The following CPNE5 variants were observed in gnomAD, a reference collection of about 807,000 sequenced individuals.
CPNE5 encodes copine 5.
CPNE5 carries 42 observed loss-of-function variants against 81.1 expected under a neutral mutation model. That is an observed-to-expected ratio of 0.52 (90% confidence interval 0.40 to 0.67). CPNE5 has a LOEUF of 0.67. CPNE5 is among the 30% of genes least tolerant of loss of function. The probability of loss-of-function intolerance (pLI) is 0.00; values close to 1 mark genes in which losing one functional copy is unlikely to be tolerated. For synonymous variants in CPNE5, 313 were observed against 321.5 expected, an observed-to-expected ratio of 0.97 and a Z score of 0.28; for missense variants, 612 against 815.5, an observed-to-expected ratio of 0.75 and a Z score of 3.04.
In CPNE5 at chr6:36,741,045, C is replaced by G. The variant is rs1289986220; in HGVS notation, c.*1223G>C. ...CTGGGTGGGCCCGGGAGGGAGATCCCCTTCTTCCCCACCTTTCCCACAGCA... is the reference window on the plus strand; with the variant it reads ...CTGGGTGGGCCCGGGAGGGAGATCCGCTTCTTCCCCACCTTTCCCACAGCA... On this transcript the variant is annotated 3_prime_UTR_variant, in exon 21 of 21. Transcript: ENST00000244751. 6.6e-6 allele frequency: 1 copy of G among 152,254 alleles called. No individual in the cohort carries two copies. The highest frequency in any genetic ancestry group is 1.5e-5 in the Non-Finnish European group (1 of 68,082). The allele number at this position is 152,254 out of a possible 1,614,324, so 9.4% of individuals were successfully genotyped here. A position where few individuals can be genotyped will look rare whatever the true frequency, so the allele number is the denominator to read the frequency against.
At position 36,839,116 on chromosome 6, in the gene CPNE5, C is replaced by T. The variant is rs1773803159; in HGVS notation, c.95+167G>A. Among the ~76,000 whole-genome samples the T allele has an allele frequency of 1.3e-5, 2 of 152,194 alleles. No individual in the cohort carries two copies. The highest frequency in any genetic ancestry group is 1.3e-4 in the Admixed American group (2 of 15,284). On this transcript the variant is annotated intron_variant, in intron 1 of 20. Coordinates refer to ENST00000244751, the MANE Select transcript of CPNE5 (RefSeq NM_020939.2). This position sits in a 1 kb window ranked among gnomAD's most constrained non-coding sequence, Gnocchi z 7.3. ...GGCTTCCTATTCTGCCGTCGCCACCCGCAGCTGGACAGGACAGGGGCTCTT... is the reference window on the plus strand; with the variant it reads ...GGCTTCCTATTCTGCCGTCGCCACCTGCAGCTGGACAGGACAGGGGCTCTT...
At chr6:36,807,386 T>C (rs1387581929) in intron 3 of CPNE5, among the ~76,000 whole-genome samples, 1 of 152,218 alleles carries the variant, frequency 6.6e-6, no homozygotes, top group Admixed American at 6.5e-5. Flanking sequence ...CTACATGTTA[T>C]GGGATTGTTG....
intron 4 of CPNE5, among the ~76,000 whole-genome samples, 179 bp from the exon 5 acceptor site, chr6:36,798,673 C>T (rs1233503716): frequency 1.3e-5 from 2 of 152,172 alleles, no homozygotes; most frequent in Non-Finnish European, 2.9e-5. Flanking sequence ...TGGACATGTT[C>T]TGTCCTTGAG....
At chr6:36,822,994 C>A in intron 2 of CPNE5, 64 bp downstream of exon 2, 1 of 1,384,728 alleles carries the variant, frequency 7.2e-7, no homozygotes, top group South Asian at 1.5e-5. Context: ...TCAAGCATTG[C>A]CGCTGTAATT....
chr6:36,784,236 A>G (rs1422788324), intron 8 of CPNE5, among the ~76,000 whole-genome samples: 1 of 152,180 alleles, frequency 6.6e-6, no homozygotes, highest in Non-Finnish European at 1.5e-5. Context: ...AGACCCAGAA[A>G]CATTTGCCAA....
chr6:36,808,728 C>G (rs1043027218), intron 3 of CPNE5, among the ~76,000 whole-genome samples: 4 of 152,166 alleles, frequency 2.6e-5, no homozygotes, highest in Admixed American at 1.3e-4. Context: ...TGATAGTAAC[C>G]CTCACAGAGC....
At chr6:36,772,147 G>A (rs1767093526) in intron 10 of CPNE5, among the ~76,000 whole-genome samples, 2 of 152,146 alleles carry the variant, frequency 1.3e-5, no homozygotes, top group East Asian at 1.9e-4. Flanking sequence ...AGGGTTGTGA[G>A]GGGTCAGTTG....
In CPNE5 at chr6:36,770,400, A is replaced by G. The variant is rs541942381; in HGVS notation, c.737+4561T>C. Among the ~76,000 whole-genome samples, 11 of 152,338 alleles carry G rather than the reference A, an allele frequency of 7.2e-5. No homozygotes were observed. The South Asian group carries it at 2.1e-3, about 29-fold the overall frequency. ...AAATTTAAATTCACAAAATAAGATA[A>G]CGCATTTAAACCAATTAGAATACAA... On this transcript the variant is annotated intron_variant, in intron 10 of 20. Transcript: ENST00000244751.
rs150950511 is a variant in CPNE5 at position 36,829,769 on chromosome 6, C to T, written c.96-6671G>A. Among the ~76,000 whole-genome samples the T allele has an allele frequency of 5.3e-3, 739 of 139,518 alleles. 9 individuals carry two copies. Among genetic ancestry groups the T allele is most frequent in the African/African-American group, 0.019 (704 of 37,454 alleles). The allele number at this position is 139,518 out of a possible 152,430, so 91.5% of individuals were successfully genotyped here. A position where few individuals can be genotyped will look rare whatever the true frequency, so the allele number is the denominator to read the frequency against. The stretch of plus-strand genomic sequence containing the variant: ...CAGAGGTTGCAGTGAGCCGAGATCA[C>T]GTCACTGCATTCCAGCCTGGGTGAC... On this transcript the variant is annotated intron_variant, in intron 1 of 20. Transcript: ENST00000244751.
At chr6:36,801,873 G>A (rs1252432287) in intron 3 of CPNE5, among the ~76,000 whole-genome samples, 1 of 152,148 alleles carries the variant, frequency 6.6e-6, no homozygotes, top group African/African-American at 2.4e-5. Context: ...CTAGAGACCT[G>A]TTTCACAACA....
chr6:36,830,392 G>A (rs990417894), intron 1 of CPNE5, among the ~76,000 whole-genome samples: 2 of 152,122 alleles, frequency 1.3e-5, no homozygotes, highest in East Asian at 1.9e-4. Context: ...GACCTAAAAG[G>A]CAGAAGTAAT....
chr6:36,813,171 T>G (rs1771249237), intron 3 of CPNE5, among the ~76,000 whole-genome samples: 1 of 152,216 alleles, frequency 6.6e-6, no homozygotes, highest in Admixed American at 6.5e-5. Flanking sequence ...TGCAGTCCAC[T>G]CTGCACACAG....
chr6:36,813,954 C>G (rs978702642), intron 3 of CPNE5, among the ~76,000 whole-genome samples: 3 of 152,178 alleles, frequency 2.0e-5, no homozygotes, highest in Admixed American at 6.5e-5. Flanking sequence ...TTAGTCTACC[C>G]ACAAAGGTCT....
intron 3 of CPNE5, among the ~76,000 whole-genome samples, chr6:36,814,694 AG>A (rs1177532438): frequency 6.6e-6 from 1 of 152,188 alleles, no homozygotes; most frequent in Non-Finnish European, 1.5e-5. Flanking sequence ...GGGCTGCAGA[AG>A]GGGATGGCGG....
At position 36,785,284 on chromosome 6, in the gene CPNE5, A is replaced by G. The variant is rs530570763; in HGVS notation, c.529-6327T>C. Among the ~76,000 whole-genome samples, 21 of 152,178 alleles carry G rather than the reference A, an allele frequency of 1.4e-4. 1 individual carries two copies. The highest frequency in any genetic ancestry group is 1.4e-3 in the Admixed American group (21 of 15,282). ...AACAGAAGAAGGCTGTTGGGTCTCA[A>G]TGGCAGCTTCCAGATTCAGAACAAG... is the stretch of plus-strand genomic sequence containing the variant. On this transcript the variant is annotated intron_variant, in intron 8 of 20. Transcript: ENST00000244751.
intron 2 of CPNE5, 58 bp from the exon 3 acceptor site, chr6:36,822,218 C>A: frequency 1.4e-6 from 2 of 1,393,634 alleles, no homozygotes; most frequent in East Asian, 2.7e-5. Context: ...AGGAGGGGTC[C>A]CAGATGAAAA....
intron 3 of CPNE5, among the ~76,000 whole-genome samples, chr6:36,812,619 AG>A (rs1171941632): frequency 1.3e-5 from 2 of 152,210 alleles, no homozygotes; most frequent in African/African-American, 2.4e-5. Context: ...GTGTCAAAGC[AG>A]GTTTTAAAGC....
At chr6:36,767,733 A>C (rs915973207) in intron 10 of CPNE5, among the ~76,000 whole-genome samples, 30 of 152,376 alleles carry the variant, frequency 2.0e-4, no homozygotes, top group Non-Finnish European at 3.5e-4. Context: ...GGAAAATTTT[A>C]ATCCCAGGCC....
intron 18 of CPNE5, 38 bp downstream of exon 18, chr6:36,745,010 C>T: frequency 4.8e-6 from 7 of 1,451,620 alleles, no homozygotes; most frequent in East Asian, 2.3e-5. Flanking sequence ...GGAAGACACT[C>T]CTCAAACCGC....
Sources: gnomAD v4.1 joint callset for allele counts (sites outside exome capture counted in the v4.1 genomes callset) on GRCh38, gnomAD v4.1.1 for gene constraint, Gnocchi (gnomAD v3.1) non-coding constraint, MANE v1.5 for transcripts, NCBI Gene and HGNC (gene_info 2026-07-23, HGNC 2026-07-21) for gene names.